PCDH11X: variants seen among roughly 807,000 people sequenced by gnomAD.
The protein encoded by PCDH11X is protocadherin-11 X-linked.
PCDH11X carries 18 observed loss-of-function variants against 53.3 expected under a neutral mutation model. The ratio of observed to expected loss-of-function variants is 0.34; its 90% CI spans 0.23 to 0.50. PCDH11X has a LOEUF of 0.50. PCDH11X is among the 20% of genes least tolerant of loss of function. The pLI is 0.98. For missense variants in PCDH11X, 570 were observed against 1,032.4 expected (o/e 0.55, Z 6.14); for synonymous variants, 279 against 393.3 (o/e 0.71, Z 3.44).
At chrX:92,465,434 T>C (rs1261140576) in intron 9 of PCDH11X, among the ~76,000 whole-genome samples, 3 of 112,166 alleles carry the variant, frequency 2.7e-5, no homozygotes, top group African/African-American at 9.7e-5. Context: ...AATGGCTTCA[T>C]TAATGCAGCT....
Position 91,788,941 on chromosome X carries a change from T to C in PCDH11X, c.-379+9257T>C, listed in dbSNP as rs6618803. On this transcript the variant is annotated intron_variant, in intron 1 of 10. Transcript: ENST00000682573. ...TTGGCTGGTCGCAGCGGCTCACGCCTGTAATCCCAGCACTTTGGGAGGCTG... is the reference window on the plus strand; with the variant it reads ...TTGGCTGGTCGCAGCGGCTCACGCCCGTAATCCCAGCACTTTGGGAGGCTG... 1.2e-3 allele frequency among the ~76,000 whole-genome samples: 138 copies of C among 111,777 alleles called. 1 individual carries two copies. The East Asian group carries it at 0.038, about 31-fold the overall frequency.
intron 10 of PCDH11X, among the ~76,000 whole-genome samples, chrX:92,484,803 GC>G (rs1216880964): frequency 9.1e-6 from 1 of 110,178 alleles, no homozygotes; most frequent in East Asian, 2.8e-4. Flanking sequence ...GGTGATAGGT[GC>G]ACCAAAATCT....
chrX:91,917,396 T>C (rs1280906084), intron 6 of PCDH11X, among the ~76,000 whole-genome samples: 5 of 102,548 alleles, frequency 4.9e-5, no homozygotes, highest in African/African-American at 1.4e-4. Context: ...ATGATATTAT[T>C]GTATACCTAG....
intron 9 of PCDH11X, among the ~76,000 whole-genome samples, chrX:92,407,850 T>A: frequency 9.0e-6 from 1 of 111,373 alleles, no homozygotes; most frequent in Admixed American, 9.5e-5. Context: ...TTGCAGATAC[T>A]GGATACTATT....
At chrX:92,231,651 C>G (rs909093343) in intron 7 of PCDH11X, among the ~76,000 whole-genome samples, 1 of 111,568 alleles carries the variant, frequency 9.0e-6, no homozygotes, top group Non-Finnish European at 1.9e-5. Context: ...CAATGGTATA[C>G]GGGAACAGTT....
chrX:92,258,334 C>T (rs1377987884), intron 7 of PCDH11X, among the ~76,000 whole-genome samples: 1 of 109,084 alleles, frequency 9.2e-6, no homozygotes, highest in East Asian at 2.9e-4. Flanking sequence ...TCTTGGCTAT[C>T]AGCACTTGGC....
At chrX:92,427,093 TA>T (rs1285387367) in intron 9 of PCDH11X, among the ~76,000 whole-genome samples, 2 of 110,494 alleles carry the variant, frequency 1.8e-5, no homozygotes, top group Admixed American at 9.7e-5. Context: ...TTCAGCTTTA[TA>T]AAAAAATTTT....
chrX:92,283,671 G>A (rs368078489), intron 8 of PCDH11X, among the ~76,000 whole-genome samples: 35 of 111,573 alleles, frequency 3.1e-4, no homozygotes, highest in East Asian at 1.4e-3. Flanking sequence ...ACAATTTTGC[G>A]TATAGTGCCA....
At chrX:91,984,829 T>C (rs1440865920) in intron 6 of PCDH11X, among the ~76,000 whole-genome samples, 1 of 111,691 alleles carries the variant, frequency 9.0e-6, no homozygotes, top group Non-Finnish European at 1.9e-5. Context: ...CCAACATATG[T>C]ATGCTTCTTC....
At chrX:92,291,173 G>T (rs2068485858) in intron 8 of PCDH11X, among the ~76,000 whole-genome samples, 1 of 107,559 alleles carries the variant, frequency 9.3e-6, no homozygotes. Context: ...GCCTCCCAAA[G>T]TGTTGAGATT....
At chrX:92,189,437 A>G (rs987822814) in intron 6 of PCDH11X, among the ~76,000 whole-genome samples, 23 of 111,750 alleles carry the variant, frequency 2.1e-4, no homozygotes, top group African/African-American at 6.8e-4. Flanking sequence ...TATGTACCAT[A>G]CCACATTTTC....
chrX:92,207,926 G>A (rs5942158), intron 7 of PCDH11X, among the ~76,000 whole-genome samples: 63,439 of 110,019 alleles, frequency 0.58, 15,175 homozygotes, highest in Non-Finnish European at 0.77. Flanking sequence ...GCTGGGGGTG[G>A]TGGCTCACCC....
intron 6 of PCDH11X, among the ~76,000 whole-genome samples, chrX:92,147,861 TTC>T (rs1228237430): frequency 1.1e-5 from 1 of 92,041 alleles, no homozygotes; most frequent in Non-Finnish European, 2.1e-5. Context: ...CTTTTTTCTT[TTC>T]TCTCTTTCCT....
chrX:92,563,433 T>G (rs895756110), intron 10 of PCDH11X, among the ~76,000 whole-genome samples: 5 of 109,113 alleles, frequency 4.6e-5, no homozygotes, highest in Non-Finnish European at 9.5e-5. Flanking sequence ...TATATGAGAT[T>G]ACATTTCAAT....
chrX:92,142,400 A>C (rs867468500), intron 6 of PCDH11X, among the ~76,000 whole-genome samples: 4 of 97,864 alleles, frequency 4.1e-5, no homozygotes, highest in African/African-American at 1.5e-4. Flanking sequence ...ACACACACAC[A>C]TCTACACATA....
intron 7 of PCDH11X, among the ~76,000 whole-genome samples, chrX:92,230,072 A>G (rs2067038515): frequency 9.0e-6 from 1 of 110,572 alleles, no homozygotes; most frequent in Middle Eastern, 4.2e-3. Flanking sequence ...GGTAATTAAA[A>G]TCAAGGGAGG....
intron 5 of PCDH11X, among the ~76,000 whole-genome samples, chrX:91,845,190 A>G (rs1316085929): frequency 9.0e-6 from 1 of 111,437 alleles, no homozygotes; most frequent in Non-Finnish European, 1.9e-5. Context: ...TACCTTCAAT[A>G]AATAAGTAAA....
At chrX:92,203,766 G>A (rs1368011292) in intron 7 of PCDH11X, among the ~76,000 whole-genome samples, 1 of 111,865 alleles carries the variant, frequency 8.9e-6, no homozygotes, top group East Asian at 2.8e-4. Context: ...GAAATCATAG[G>A]GAGTGCTGAA....
At chrX:91,811,545 C>A (rs1379841666) in intron 4 of PCDH11X, among the ~76,000 whole-genome samples, 1 of 110,569 alleles carries the variant, frequency 9.0e-6, no homozygotes, top group Admixed American at 9.7e-5. Context: ...TTATAGTAAG[C>A]ATAATTTACC....
Sources: gnomAD v4.1 joint callset for allele counts (sites outside exome capture counted in the v4.1 genomes callset) on GRCh38, gnomAD v4.1.1 for gene constraint, MANE v1.5 for transcripts, NCBI Gene and HGNC (gene_info 2026-07-23, HGNC 2026-07-21) for gene names.